Variants in ARID1A observed in about 807,000 individuals in gnomAD.
ARID1A encodes AT-rich interactive domain-containing protein 1A.
In ARID1A, 20 loss-of-function variants were observed where a neutral mutation model predicts 212.6. The observed-to-expected ratio is 0.09, with a 90% CI of 0.07 to 0.14. The LOEUF (loss-of-function observed/expected upper bound fraction) is 0.14, where lower values mean the gene tolerates loss of function less well. Among genes scored for constraint, ARID1A ranks in the 10% least tolerant of loss-of-function variants. The probability of loss-of-function intolerance (pLI) is 1.00; values close to 1 mark genes in which losing one functional copy is unlikely to be tolerated. For synonymous variants in ARID1A, 1,376 were observed against 1,222.1 expected (o/e 1.13, Z -2.63); for missense variants, 2,587 against 3,059.0 (o/e 0.85, Z 3.64).
chr1:26,714,128 G>A (rs369016285), intron 1 of ARID1A, among the ~76,000 whole-genome samples: 170 of 152,312 alleles, frequency 1.1e-3, no homozygotes, highest in African/African-American at 3.8e-3. Context: ...TGGTTATACT[G>A]GCCAGAGATG....
At chr1:26,706,168 T>C (rs1213020442) in intron 1 of ARID1A, among the ~76,000 whole-genome samples, 2 of 152,242 alleles carry the variant, frequency 1.3e-5, no homozygotes, top group African/African-American at 4.8e-5. Flanking sequence ...TTCTCTCTTT[T>C]GCATTTGGGC....
Position 26,780,425 on chromosome 1 carries a change from A to G in ARID1A, c.6527A>G (p.Gln2176Arg), listed in dbSNP as rs965122784. ...MAVVLLANLAQGDSLAARAIA... is the reference protein window; with the variant it reads ...MAVVLLANLARGDSLAARAIA... ...GTGGTACTGCTGGCCAACCTGGCTC[A>G]GGGGGACAGCCTGGCAGCTCGTGCC... Residue 2176 changes from glutamine to arginine, a missense_variant, in exon 20 of 20, where the codon CAG becomes CGG. Transcript: ENST00000324856. The surrounding 1 kb of genome is among the most constrained non-coding windows in gnomAD (Gnocchi z 7.2). 3 of 1,614,238 alleles carry G rather than the reference A, an allele frequency of 1.9e-6. No individual in the cohort carries two copies. Among genetic ancestry groups the G allele is most frequent in the Non-Finnish European group, 2.5e-6 (3 of 1,180,046 alleles).
chr1:26,734,404 T>G (rs1028670479), intron 4 of ARID1A, among the ~76,000 whole-genome samples: 2 of 150,924 alleles, frequency 1.3e-5, no homozygotes, highest in African/African-American at 4.9e-5. Context: ...ACATGCCTTG[T>G]AAGGGTTGGG....
At chr1:26,768,051 T>TC (rs2081053951) in intron 11 of ARID1A, 52 bp downstream of exon 11, 1 of 1,563,868 alleles carries the variant, frequency 6.4e-7, no homozygotes, top group Admixed American at 1.7e-5. Context: ...CAAACCCCTT[T>TC]CTAGGTACTC....
intron 4 of ARID1A, among the ~76,000 whole-genome samples, chr1:26,737,319 T>C (rs1474091676): frequency 6.6e-6 from 1 of 152,120 alleles, no homozygotes; most frequent in East Asian, 1.9e-4. Flanking sequence ...GGTTTCACGA[T>C]GTTGCCCAGG....
At chr1:26,704,075 A>G (rs1000505268) in intron 1 of ARID1A, among the ~76,000 whole-genome samples, 1 of 152,190 alleles carries the variant, frequency 6.6e-6, no homozygotes, top group Non-Finnish European at 1.5e-5. Flanking sequence ...CTTAAGTTCC[A>G]TGGGCTTGAT....
intron 1 of ARID1A, among the ~76,000 whole-genome samples, chr1:26,728,096 A>G (rs1306847416): frequency 6.6e-6 from 1 of 152,246 alleles, no homozygotes; most frequent in Non-Finnish European, 1.5e-5. Flanking sequence ...ATTGTTGGCA[A>G]CAGTACTTTA....
At chr1:26,739,029 G>A (rs2080761948) in intron 4 of ARID1A, among the ~76,000 whole-genome samples, 1 of 151,608 alleles carries the variant, frequency 6.6e-6, no homozygotes, top group African/African-American at 2.4e-5. Flanking sequence ...TGGGATTACG[G>A]GCACCCACCA....
intron 11 of ARID1A, among the ~76,000 whole-genome samples, chr1:26,768,260 T>G (rs1344339630): frequency 6.6e-6 from 1 of 152,136 alleles, no homozygotes; most frequent in Non-Finnish European, 1.5e-5. Context: ...CTAGGGAAAG[T>G]CTGTGGGCAT....
chr1:26,696,584 C>G lies in ARID1A; in HGVS notation c.181C>G (p.Pro61Ala), dbSNP rs2080256224. 23 of 1,230,612 alleles carry G rather than the reference C, an allele frequency of 1.9e-5. No homozygotes were observed. Among genetic ancestry groups the G allele is most frequent in the Non-Finnish European group, 1.8e-5 (18 of 988,780 alleles). 76.2% of individuals were successfully genotyped at this position (1,230,612 alleles called of 1,614,324 possible). A position where few individuals can be genotyped will look rare whatever the true frequency, so the allele number is the denominator to read the frequency against. Residue 61 changes from proline to alanine, a missense_variant, in exon 1 of 20, where the codon CCC becomes GCC. Pro to Ala is a conservative substitution (Grantham distance 27, BLOSUM62 -1). Around this residue, in one of 11 missense-constraint regions of ARID1A, gnomAD observed 735 missense variants for 590.6 expected, o/e 1.24. Coordinates refer to ENST00000324856, the MANE Select transcript of ARID1A (RefSeq NM_006015.6). ...AGCCGCCGGGCAGGAAAGCGAGGGC[C>G]CCGCCGTGGGGCCGCCGCAGCCGCT... ...KAAAGQESEG[P>A]AVGPPQPLGK...
intron 4 of ARID1A, among the ~76,000 whole-genome samples, chr1:26,750,435 T>C (rs888329677): frequency 6.6e-5 from 10 of 152,204 alleles, no homozygotes; most frequent in African/African-American, 2.2e-4. Flanking sequence ...TTGGAGCACC[T>C]CTGTGGCCAG....
chr1:26,722,273 C>T (rs1191098687), intron 1 of ARID1A, among the ~76,000 whole-genome samples: 4 of 151,994 alleles, frequency 2.6e-5, no homozygotes, highest in Admixed American at 2.6e-4. Context: ...CAAGATAGAG[C>T]CTTGCTCTGT....
At chr1:26,778,303 C>G (rs1250732271) in intron 19 of ARID1A, 1 of 152,080 alleles carries the variant, frequency 6.6e-6, no homozygotes, top group Non-Finnish European at 1.5e-5. Flanking sequence ...GTGTGAGCCA[C>G]TGCTTCCAGC....
rs992416987 is a variant in ARID1A, at chr1:26,746,245, G to A, written c.1920+13453G>A. Reference sequence around the variant, plus strand: ...GATATAAGAAGCATTTACTCTGAAAGGAAGAATTCTCAAAAACTAGAATGT... The same window carrying A: ...GATATAAGAAGCATTTACTCTGAAAAGAAGAATTCTCAAAAACTAGAATGT... On this transcript the variant is annotated intron_variant, in intron 4 of 19. Transcript: ENST00000324856. Among the ~76,000 whole-genome samples, 7 of 152,194 alleles carry A rather than the reference G, an allele frequency of 4.6e-5. No individual in the cohort carries two copies. The East Asian group carries it at 1.3e-3, about 29-fold the overall frequency.
chr1:26,709,626 C>CTTT lies in ARID1A; in HGVS notation c.1137+12105_1137+12107dup, dbSNP rs57532083. On this transcript the variant is annotated intron_variant, in intron 1 of 19. Coordinates refer to ENST00000324856, the MANE Select transcript of ARID1A (RefSeq NM_006015.6). ...TAGCTACATCTGAGTTACTGTAATG[C>CTTT]TTTTTTTTTTTTTTTTTTTTTAAAC... Among the ~76,000 whole-genome samples, 7 of 118,496 alleles carry CTTT rather than the reference C, an allele frequency of 5.9e-5. No individual in the cohort carries two copies. The East Asian group carries it at 8.2e-4, about 14-fold the overall frequency. 77.7% of individuals were successfully genotyped at this position (118,496 alleles called of 152,430 possible). A position where few individuals can be genotyped will look rare whatever the true frequency, so the allele number is the denominator to read the frequency against.
chr1:26,756,924 G>T (rs968315553), intron 4 of ARID1A, among the ~76,000 whole-genome samples: 2 of 151,868 alleles, frequency 1.3e-5, no homozygotes, highest in Admixed American at 6.6e-5. Flanking sequence ...GTATGGTCTC[G>T]ATTTGCTGAC....
chr1:26,707,033 C>CT lies in ARID1A; in HGVS notation c.1137+9507dup, dbSNP rs763118260. Among the ~76,000 whole-genome samples, 1,123 of 140,502 alleles carry CT rather than the reference C, an allele frequency of 8.0e-3. 22 individuals are homozygous for CT. The highest frequency in any genetic ancestry group is 0.043 in the Admixed American group (595 of 13,988). 92.2% of individuals were successfully genotyped at this position (140,502 alleles called of 152,430 possible). ...TCACAGATCCTCACCAGGATCCTGACTTTTTTTTTTTTTTAGACGGAGTCT... is the reference window on the plus strand; with the variant it reads ...TCACAGATCCTCACCAGGATCCTGACTTTTTTTTTTTTTTTAGACGGAGTCT... On this transcript the variant is annotated intron_variant, in intron 1 of 19. Transcript: ENST00000324856.
intron 4 of ARID1A, among the ~76,000 whole-genome samples, chr1:26,756,658 A>G (rs371670656): frequency 1.3e-5 from 2 of 151,784 alleles, no homozygotes; most frequent in East Asian, 1.9e-4. Flanking sequence ...GGCAACAGAA[A>G]GACAGCCATG....
intron 4 of ARID1A, among the ~76,000 whole-genome samples, chr1:26,760,382 T>C (rs1477601846): frequency 1.3e-5 from 2 of 152,140 alleles, no homozygotes; most frequent in Admixed American, 6.6e-5. Context: ...GTTTGCCATA[T>C]GTAAGTTATA....
Sources: allele counts gnomAD v4.1 joint callset (sites outside exome capture counted in the v4.1 genomes callset), GRCh38; gene constraint gnomAD v4.1.1; regional missense constraint gnomAD v4.1.1; non-coding constraint Gnocchi (gnomAD v3.1); transcripts MANE v1.5; gene names NCBI Gene and HGNC (gene_info 2026-07-23, HGNC 2026-07-21).